Variants in RBMS3 observed in about 807,000 individuals in gnomAD.
RBMS3 encodes RNA-binding motif, single-stranded-interacting protein 3.
A neutral mutation model predicts 66.8 loss-of-function variants in RBMS3; 27 were observed. The ratio of observed to expected loss-of-function variants is 0.40; its 90% CI spans 0.30 to 0.56. The LOEUF (loss-of-function observed/expected upper bound fraction) is 0.56. Among genes scored for constraint, RBMS3 ranks in the 20% least tolerant of loss-of-function variants. The probability of loss-of-function intolerance (pLI) is 0.40; values close to 1 mark genes in which losing one functional copy is unlikely to be tolerated. For synonymous variants in RBMS3, 188 were observed against 183.0 expected (o/e 1.03, Z -0.22); for missense variants, 513 against 549.5 (o/e 0.93, Z 0.66).
At chr3:29,660,544 G>C (rs1162356626) in intron 4 of RBMS3, among the ~76,000 whole-genome samples, 1 of 152,064 alleles carries the variant, frequency 6.6e-6, no homozygotes, top group Non-Finnish European at 1.5e-5. Flanking sequence ...ACTTACTTCT[G>C]TCATTTTGCT....
intron 1 of RBMS3, among the ~76,000 whole-genome samples, chr3:29,337,965 C>T (rs1041931164): frequency 1.3e-5 from 2 of 152,092 alleles, no homozygotes; most frequent in African/African-American, 4.8e-5. Flanking sequence ...ATAACCTTGG[C>T]TAGAATGGTA....
At chr3:29,602,046 T>C (rs1160250905) in intron 4 of RBMS3, among the ~76,000 whole-genome samples, 1 of 152,042 alleles carries the variant, frequency 6.6e-6, no homozygotes, top group Non-Finnish European at 1.5e-5. Flanking sequence ...AATAAATCCC[T>C]TAATGCTGTG....
intron 2 of RBMS3, among the ~76,000 whole-genome samples, chr3:29,460,173 C>T (rs2042326404): frequency 6.6e-6 from 1 of 152,164 alleles, no homozygotes; most frequent in African/African-American, 2.4e-5. Flanking sequence ...AATCGATACA[C>T]CATTGGTAGA....
intron 1 of RBMS3, among the ~76,000 whole-genome samples, chr3:29,398,856 T>A (rs2039677029): frequency 6.6e-6 from 1 of 152,182 alleles, no homozygotes; most frequent in Non-Finnish European, 1.5e-5. Context: ...AAGGAGATAA[T>A]GTAATTTAGC....
At chr3:29,424,103 C>T (rs2040851889) in intron 1 of RBMS3, among the ~76,000 whole-genome samples, 2 of 152,086 alleles carry the variant, frequency 1.3e-5, no homozygotes, top group South Asian at 2.1e-4. Context: ...ATTTTATAAT[C>T]TTTTGTAGAT....
chr3:29,667,000 T>C (rs1215193843), intron 4 of RBMS3, among the ~76,000 whole-genome samples: 4 of 152,182 alleles, frequency 2.6e-5, no homozygotes, highest in Non-Finnish European at 1.5e-5. Flanking sequence ...TTTACTGCCC[T>C]GTCTTGTACT....
chr3:29,774,825 TTC>T (rs1278517518), intron 6 of RBMS3, among the ~76,000 whole-genome samples: 4 of 152,094 alleles, frequency 2.6e-5, no homozygotes, highest in African/African-American at 7.2e-5. Flanking sequence ...CTCTTTTTTA[TTC>T]TGTTTTTGAA....
chr3:29,316,811 ATGT>A (rs2034708861), intron 1 of RBMS3, among the ~76,000 whole-genome samples: 2 of 151,662 alleles, frequency 1.3e-5, no homozygotes, highest in African/African-American at 4.8e-5. Flanking sequence ...GTAAGTGGTG[ATGT>A]GGCTTAACCT....
At chr3:29,701,000 T>C (rs1161003896) in intron 4 of RBMS3, among the ~76,000 whole-genome samples, 1 of 152,138 alleles carries the variant, frequency 6.6e-6, no homozygotes, top group Non-Finnish European at 1.5e-5. Context: ...CCATTTGAAA[T>C]TAATTCTGAG....
At chr3:29,696,200 T>A (rs2052267687) in intron 4 of RBMS3, among the ~76,000 whole-genome samples, 1 of 152,196 alleles carries the variant, frequency 6.6e-6, no homozygotes, top group Non-Finnish European at 1.5e-5. Context: ...ATCTGCCCCT[T>A]ACTAGCAGTG....
At chr3:29,687,512 T>A (rs2051785468) in intron 4 of RBMS3, among the ~76,000 whole-genome samples, 1 of 152,238 alleles carries the variant, frequency 6.6e-6, no homozygotes, top group Non-Finnish European at 1.5e-5. Flanking sequence ...AGAGAATATC[T>A]GTTTCATATT....
At chr3:29,286,164 T>C (rs1038483181) in intron 1 of RBMS3, among the ~76,000 whole-genome samples, 4 of 152,144 alleles carry the variant, frequency 2.6e-5, no homozygotes, top group African/African-American at 9.7e-5. Flanking sequence ...GGGGGTAATA[T>C]AATAGCATGA....
chr3:29,412,410 T>G (rs947289126), intron 1 of RBMS3, among the ~76,000 whole-genome samples: 4 of 152,150 alleles, frequency 2.6e-5, no homozygotes, highest in African/African-American at 9.7e-5. Flanking sequence ...CCCTTTTTTG[T>G]TCTTACCACA....
intron 1 of RBMS3, among the ~76,000 whole-genome samples, chr3:29,363,385 C>A (rs1024582129): frequency 3.3e-5 from 5 of 152,110 alleles, no homozygotes; most frequent in African/African-American, 4.8e-5. Flanking sequence ...CCTACAGAGA[C>A]TCTCTAATCC....
intron 1 of RBMS3, among the ~76,000 whole-genome samples, chr3:29,313,159 G>A (rs1422174717): frequency 6.6e-6 from 1 of 151,602 alleles, no homozygotes; most frequent in Non-Finnish European, 1.5e-5. Context: ...TTCAAACCTT[G>A]GAACGATGAG....
rs866240543 is a variant in RBMS3, at chr3:29,892,467, C to G, written c.792-4912C>G. On this transcript the variant is annotated intron_variant, in intron 8 of 14. Transcript: ENST00000383767. ...TCCACTAGATGCCGGTAGCTCCCCC[C>G]TCTCCTCCAGTTGCGATAACAAAAA... is the stretch of plus-strand genomic sequence containing the variant. Among the ~76,000 whole-genome samples the G allele has an allele frequency of 5.3e-5, 8 of 151,464 alleles. No homozygotes were observed. In the South Asian group the frequency reaches 6.2e-4, roughly 12 times the overall value.
At chr3:29,934,922 G>T (rs1452431264) in intron 10 of RBMS3, among the ~76,000 whole-genome samples, 1 of 152,082 alleles carries the variant, frequency 6.6e-6, no homozygotes, top group African/African-American at 2.4e-5. Context: ...TTTAGGAAAC[G>T]CGCAGTGGGT....
At chr3:29,917,571 C>A (rs2060669316) in intron 10 of RBMS3, among the ~76,000 whole-genome samples, 1 of 151,914 alleles carries the variant, frequency 6.6e-6, no homozygotes, top group African/African-American at 2.4e-5. Context: ...GCCATACATT[C>A]TATTAAAGAA....
At chr3:29,819,892 C>T (rs2058026784) in intron 6 of RBMS3, among the ~76,000 whole-genome samples, 1 of 151,952 alleles carries the variant, frequency 6.6e-6, no homozygotes, top group African/African-American at 2.4e-5. Context: ...TAATCTACTC[C>T]TTATATAAAA....
Sources: allele counts gnomAD v4.1 joint callset (sites outside exome capture counted in the v4.1 genomes callset), GRCh38; gene constraint gnomAD v4.1.1; transcripts MANE v1.5; gene names NCBI Gene and HGNC (gene_info 2026-07-23, HGNC 2026-07-21).